NNT: variants seen among roughly 807,000 people sequenced by gnomAD.
NNT encodes the protein NAD(P) transhydrogenase, mitochondrial.
Under a neutral mutation model 104.8 loss-of-function variants are expected in NNT, and 50 were observed. The ratio of observed to expected loss-of-function variants is 0.48; its 90% CI spans 0.38 to 0.60. The LOEUF is 0.60. Ranked by LOEUF, NNT falls within the 20% of genes least tolerant of loss-of-function variation. NNT has a pLI of 0.00. For synonymous variants in NNT, 461 were observed against 490.4 expected, an observed-to-expected ratio of 0.94 and a Z score of 0.79; for missense variants, 1,131 against 1,330.7, an observed-to-expected ratio of 0.85 and a Z score of 2.33.
At chr5:43,667,092 C>T in intron 17 of NNT, 1 of 1,574,050 alleles carries the variant, frequency 6.4e-7, no homozygotes, top group South Asian at 1.1e-5. Context: ...TGTTGTGCTT[C>T]TTGGCAAAGT....
chr5:43,607,185 C>G (rs1478580810), intron 1 of NNT, among the ~76,000 whole-genome samples: 1 of 151,992 alleles, frequency 6.6e-6, no homozygotes, highest in African/African-American at 2.4e-5. Context: ...TGAGCCCAAG[C>G]TAAGCCATCA....
At position 43,650,551 on chromosome 5, in the gene NNT, G is replaced by A. The variant is rs1739703579; in HGVS notation, c.1681G>A (p.Ala561Thr). 1.2e-6 allele frequency: 2 copies of A among 1,613,954 alleles called. No homozygotes were observed. Among genetic ancestry groups the A allele is most frequent in the African/African-American group, 1.3e-5 (1 of 74,892 alleles). ...YPSTTSQGLA[A>T]LAAFISSVNI... ...TTCCACAACTTCTCAGGGCCTTGCT[G>A]CTCTTGCTGCATTCATATCCTCTGT... Residue 561 changes from alanine to threonine, a missense_variant, in exon 12 of 22, where the codon GCT becomes ACT. Ala to Thr is a moderately conservative substitution (Grantham distance 58). Coordinates refer to ENST00000344920, the MANE Select transcript of NNT (RefSeq NM_182977.3).
At chr5:43,664,518 C>G (rs1021881467) in intron 17 of NNT, among the ~76,000 whole-genome samples, 1 of 152,096 alleles carries the variant, frequency 6.6e-6, no homozygotes, top group Non-Finnish European at 1.5e-5. Flanking sequence ...AGTTTTATGA[C>G]CTTTCTTTGG....
At chr5:43,697,755 C>T (rs1410408089) in intron 19 of NNT, among the ~76,000 whole-genome samples, 1 of 152,098 alleles carries the variant, frequency 6.6e-6, no homozygotes, top group Non-Finnish European at 1.5e-5. Context: ...CAAGTCACAT[C>T]TTATGTGGAT....
intron 18 of NNT, 131 bp from the exon 19 acceptor site, chr5:43,677,594 T>C: frequency 1.3e-6 from 1 of 742,700 alleles, no homozygotes; most frequent in Non-Finnish European, 2.2e-6. Context: ...ATAAATTTGC[T>C]TTCATTTCTA....
chr5:43,618,528 ACT>A (rs1276401869), intron 4 of NNT, among the ~76,000 whole-genome samples: 6 of 152,348 alleles, frequency 3.9e-5, no homozygotes, highest in African/African-American at 1.4e-4. Context: ...TTACCTAAGC[ACT>A]ACCCAGTCAT....
At chr5:43,613,159 C>A (rs777009382) in intron 3 of NNT, 22 bp downstream of exon 3, 2 of 1,557,522 alleles carry the variant, frequency 1.3e-6, no homozygotes, top group Middle Eastern at 1.7e-4. Context: ...TTTTTCCTCT[C>A]CCATTTACAG....
At chr5:43,695,423 T>C (rs1337331643) in intron 19 of NNT, among the ~76,000 whole-genome samples, 1 of 152,240 alleles carries the variant, frequency 6.6e-6, no homozygotes, top group Non-Finnish European at 1.5e-5. Flanking sequence ...CCATAAATGC[T>C]GATACAGACT....
chr5:43,625,512 A>G (rs1750314439), intron 6 of NNT, among the ~76,000 whole-genome samples: 1 of 152,164 alleles, frequency 6.6e-6, no homozygotes, highest in Admixed American at 6.5e-5. Context: ...GTTTGGTTTC[A>G]TATTATAAAT....
intron 19 of NNT, among the ~76,000 whole-genome samples, chr5:43,685,797 T>G (rs1463602183): frequency 6.6e-6 from 1 of 152,152 alleles, no homozygotes; most frequent in African/African-American, 2.4e-5. Flanking sequence ...CTGTGTACTC[T>G]GGTAGGACAT....
chr5:43,686,473 C>G (rs1741996491), intron 19 of NNT, among the ~76,000 whole-genome samples: 1 of 151,914 alleles, frequency 6.6e-6, no homozygotes, highest in Non-Finnish European at 1.5e-5. Flanking sequence ...ATTGACTATA[C>G]AGTTTTTTAG....
intron 1 of NNT, among the ~76,000 whole-genome samples, chr5:43,604,763 C>T (rs1289894483): frequency 6.6e-6 from 1 of 152,182 alleles, no homozygotes; most frequent in African/African-American, 2.4e-5. Flanking sequence ...CCTGGAACTC[C>T]TGGGCTCAAG....
intron 17 of NNT, among the ~76,000 whole-genome samples, chr5:43,674,979 G>A (rs1392186983): frequency 6.6e-6 from 1 of 152,092 alleles, no homozygotes; most frequent in Non-Finnish European, 1.5e-5. Flanking sequence ...TAGGTATGGG[G>A]CTTTGTGGAG....
chr5:43,616,255 ATT>A (rs1171218859), intron 4 of NNT, among the ~76,000 whole-genome samples, 190 bp downstream of exon 4: 2 of 152,194 alleles, frequency 1.3e-5, no homozygotes, highest in African/African-American at 4.8e-5. Context: ...AATGAACTCT[ATT>A]TATATTCCTT....
Position 43,651,750 on chromosome 5 carries a change from G to T in NNT, c.1729G>T (p.Val577Leu). 1 of 1,613,994 alleles carries T rather than the reference G, an allele frequency of 6.2e-7. No individual in the cohort carries two copies. Among genetic ancestry groups the T allele is most frequent in the South Asian group, 1.1e-5 (1 of 91,052 alleles). ...SSVNIAGGFL[V>L]TQRMLDMFKR... The stretch of plus-strand genomic sequence containing the variant: ...TTTGGTTTGCTAAGGTGGCTTTCTG[G>T]TGACTCAGAGAATGCTGGACATGTT... The change falls in exon 13 of 22, where the codon GTG (valine) becomes TTG (leucine). Residue 577 changes from valine (V) to leucine (L), a missense_variant. Coordinates refer to ENST00000344920, the MANE Select transcript of NNT (RefSeq NM_182977.3).
At chr5:43,605,212 A>G (rs1245151048) in intron 1 of NNT, among the ~76,000 whole-genome samples, 2 of 152,202 alleles carry the variant, frequency 1.3e-5, no homozygotes, top group East Asian at 1.9e-4. Flanking sequence ...TATGAAAGCA[A>G]TGCTTAAAAA....
intron 3 of NNT, 39 bp from the exon 4 acceptor site, chr5:43,615,809 T>C: frequency 1.4e-6 from 2 of 1,443,438 alleles, no homozygotes; most frequent in Non-Finnish European, 1.9e-6. Flanking sequence ...ATGATTAAAG[T>C]ATTTATATTT....
rs371519955 is a variant in NNT, at chr5:43,624,010, C to T, written c.688-22C>T. The T allele has an allele frequency of 1.3e-5, 21 of 1,610,866 alleles. No homozygotes were observed. In the African/African-American group the frequency reaches 2.5e-4, roughly 19 times the overall value. Reference sequence around the variant, plus strand: ...TATTAGTTGATAATGAGCCTTAACACATAACTGGGTCTGTCTTCTAGATTC... The same window carrying T: ...TATTAGTTGATAATGAGCCTTAACATATAACTGGGTCTGTCTTCTAGATTC... On this transcript the variant is annotated intron_variant, in intron 5 of 21. Coordinates refer to ENST00000344920, the MANE Select transcript of NNT (RefSeq NM_182977.3).
intron 17 of NNT, among the ~76,000 whole-genome samples, chr5:43,662,549 T>C (rs1241147948): frequency 2.6e-5 from 4 of 152,048 alleles, no homozygotes; most frequent in Non-Finnish European, 5.9e-5. Context: ...AAATATCATA[T>C]TGGGTCAGAT....
Sources: allele counts gnomAD v4.1 joint callset (sites outside exome capture counted in the v4.1 genomes callset), GRCh38; gene constraint gnomAD v4.1.1; transcripts MANE v1.5; gene names NCBI Gene and HGNC (gene_info 2026-07-23, HGNC 2026-07-21).